EXOC4: variants seen among roughly 807,000 people sequenced by gnomAD.
The protein encoded by EXOC4 is exocyst complex component 4, also known as SEC8-like 1.
In EXOC4, 71 loss-of-function variants were observed where a neutral mutation model predicts 107.2. The observed-to-expected ratio is 0.66, with a 90% CI of 0.55 to 0.81. The LOEUF is 0.81. Ranked by LOEUF, EXOC4 falls within the 30% of genes least tolerant of loss-of-function variation. The pLI, the probability that EXOC4 is intolerant of heterozygous loss-of-function variation, is 0.00. For missense variants in EXOC4, 1,108 were observed against 1,189.6 expected, an observed-to-expected ratio of 0.93 and a Z score of 1.01; for synonymous variants, 456 against 441.2, an observed-to-expected ratio of 1.03 and a Z score of -0.42.
rs903130182 is a variant in EXOC4, at chr7:133,815,623, G to A, written c.1515-1702G>A. ...ACTATCATACTTCTGAGTTTGGCTC[G>A]GTTGCCAGCATTTTATCCTTTATTT... On this transcript the variant is annotated intron_variant, in intron 10 of 17. Coordinates refer to ENST00000253861, the MANE Select transcript of EXOC4 (RefSeq NM_021807.4). Among the ~76,000 whole-genome samples the A allele has an allele frequency of 2.0e-5, 3 of 152,060 alleles. 1 individual carries two copies. Among genetic ancestry groups the A allele is most frequent in the South Asian group, 4.2e-4 (2 of 4,812 alleles).
intron 11 of EXOC4, among the ~76,000 whole-genome samples, chr7:133,833,982 G>A (rs1363513216): frequency 6.6e-6 from 1 of 152,084 alleles, no homozygotes; most frequent in Non-Finnish European, 1.5e-5. Context: ...TTACCGCCTA[G>A]CAGATGGAAC....
intron 10 of EXOC4, among the ~76,000 whole-genome samples, chr7:133,684,462 A>G (rs543689778): frequency 2.7e-4 from 41 of 152,294 alleles, no homozygotes; most frequent in Admixed American, 7.2e-4. Flanking sequence ...TTGATAAGGT[A>G]GAAGGCTTTT....
Position 133,947,151 on chromosome 7 carries a change from G to A in EXOC4, c.2206+9082G>A, listed in dbSNP as rs571219047. ...AATAATGATGCATACTCATTGGGTT[G>A]CTCTAACTATTAAATGATCTGATGA... is the stretch of plus-strand genomic sequence containing the variant. On this transcript the variant is annotated intron_variant, in intron 14 of 17. Coordinates refer to ENST00000253861, the MANE Select transcript of EXOC4 (RefSeq NM_021807.4). 1.6e-4 allele frequency among the ~76,000 whole-genome samples: 24 copies of A among 152,290 alleles called. No individual in the cohort carries two copies. The South Asian group carries it at 4.4e-3, about 28-fold the overall frequency.
chr7:133,457,165 T>C (rs1798481928), intron 7 of EXOC4, among the ~76,000 whole-genome samples: 1 of 152,188 alleles, frequency 6.6e-6, no homozygotes, highest in South Asian at 2.1e-4. Flanking sequence ...CTTTTCAGAA[T>C]AGTAGGACTC....
At chr7:133,886,110 G>A (rs945565437) in intron 11 of EXOC4, among the ~76,000 whole-genome samples, 1 of 152,134 alleles carries the variant, frequency 6.6e-6, no homozygotes, top group Admixed American at 6.5e-5. Flanking sequence ...ATGAAACACT[G>A]TCCAGTAGAT....
chr7:133,823,472 T>G (rs1453145263), intron 11 of EXOC4, among the ~76,000 whole-genome samples: 2 of 152,046 alleles, frequency 1.3e-5, no homozygotes, highest in African/African-American at 4.8e-5. Context: ...GTCCTTGATC[T>G]TTCTACTCCA....
At chr7:134,062,183 A>T (rs188358557) in intron 17 of EXOC4, among the ~76,000 whole-genome samples, 2 of 152,152 alleles carry the variant, frequency 1.3e-5, no homozygotes, top group Non-Finnish European at 2.9e-5. Flanking sequence ...TAACTTACCA[A>T]TCTACAAAGA....
intron 10 of EXOC4, among the ~76,000 whole-genome samples, chr7:133,757,977 G>A (rs1182925366): frequency 6.6e-6 from 1 of 152,164 alleles, no homozygotes; most frequent in Non-Finnish European, 1.5e-5. Context: ...ATCCAGAGGG[G>A]TTGAAGAAGG....
At chr7:133,482,379 G>A (rs1031054763) in intron 9 of EXOC4, among the ~76,000 whole-genome samples, 2 of 152,044 alleles carry the variant, frequency 1.3e-5, no homozygotes, top group Non-Finnish European at 2.9e-5. Context: ...CATAGGGACC[G>A]AGGACCTCTC....
intron 14 of EXOC4, among the ~76,000 whole-genome samples, chr7:133,987,871 GC>G (rs1028173554): frequency 3.3e-4 from 50 of 152,274 alleles, no homozygotes; most frequent in African/African-American, 1.2e-3. Flanking sequence ...ACAGTGAGTT[GC>G]CATTGAAAGT....
At chr7:133,687,029 G>GTGTC (rs1794318855) in intron 10 of EXOC4, among the ~76,000 whole-genome samples, 1 of 140,346 alleles carries the variant, frequency 7.1e-6, no homozygotes, top group African/African-American at 2.7e-5. Flanking sequence ...GTGTGTGTGT[G>GTGTC]TGTGTGTGTC....
At chr7:133,468,465 C>T (rs546547520) in intron 7 of EXOC4, among the ~76,000 whole-genome samples, 1 of 151,986 alleles carries the variant, frequency 6.6e-6, no homozygotes, top group East Asian at 1.9e-4. Context: ...GAGGAAAACT[C>T]GATAAGTTTT....
At position 133,288,828 on chromosome 7, in the gene EXOC4, C is replaced by T. The variant is rs1794338747; in HGVS notation, c.277-94C>T. 6 of 977,876 alleles carry T rather than the reference C, an allele frequency of 6.1e-6. No individual in the cohort carries two copies. The South Asian group carries it at 9.7e-5, about 16-fold the overall frequency. The allele number at this position is 977,876 out of a possible 1,614,324, so 60.6% of individuals were successfully genotyped here. A position where few individuals can be genotyped will look rare whatever the true frequency, so the allele number is the denominator to read the frequency against. On this transcript the variant is annotated intron_variant, in intron 2 of 17. Transcript: ENST00000253861. Reference sequence around the variant, plus strand: ...TGGCAGTGGGAATTAGGAACTGCTGCATACAGTAGTACCAGTGAAGACTAC... The same window carrying T: ...TGGCAGTGGGAATTAGGAACTGCTGTATACAGTAGTACCAGTGAAGACTAC...
intron 17 of EXOC4, among the ~76,000 whole-genome samples, chr7:134,049,642 C>T (rs1253548155): frequency 6.6e-6 from 1 of 152,198 alleles, no homozygotes; most frequent in Admixed American, 6.5e-5. Flanking sequence ...CTCCTCCAGA[C>T]CTTTATTATG....
At chr7:133,949,718 G>A (rs938780468) in intron 14 of EXOC4, among the ~76,000 whole-genome samples, 14 of 152,108 alleles carry the variant, frequency 9.2e-5, no homozygotes, top group African/African-American at 2.9e-4. Context: ...TTATCATGCC[G>A]GACAGTCTCT....
chr7:133,679,175 A>G (rs1331328249), intron 10 of EXOC4, among the ~76,000 whole-genome samples: 1 of 152,178 alleles, frequency 6.6e-6, no homozygotes, highest in Admixed American at 6.5e-5. Flanking sequence ...TCTAAGTCTG[A>G]TGCTTCTTTC....
intron 10 of EXOC4, among the ~76,000 whole-genome samples, chr7:133,701,582 A>G (rs1794656816): frequency 6.6e-6 from 1 of 152,196 alleles, no homozygotes; most frequent in African/African-American, 2.4e-5. Context: ...GTACATACCT[A>G]TGATAAGATT....
intron 9 of EXOC4, among the ~76,000 whole-genome samples, chr7:133,549,283 C>T (rs554746669): frequency 2.6e-5 from 4 of 152,216 alleles, no homozygotes; most frequent in Admixed American, 1.3e-4. Flanking sequence ...TGAGCAACCA[C>T]GCCCGTCCTC....
Position 133,398,644 on chromosome 7 carries a change from T to A in EXOC4, c.1182+23642T>A, listed in dbSNP as rs115088641. On this transcript the variant is annotated intron_variant, in intron 7 of 17. Transcript: ENST00000253861. The stretch of plus-strand genomic sequence containing the variant: ...AATCCTTTCTTTTTTTAAGCCAGGT[T>A]TAGAGAGGGAGCTAAAAGCAGAACA... Among the ~76,000 whole-genome samples, 749 of 152,290 alleles carry A rather than the reference T, an allele frequency of 4.9e-3. 5 individuals are homozygous for A. The highest frequency in any genetic ancestry group is 0.017 in the African/African-American group (726 of 41,546).
Sources: gnomAD v4.1 joint callset for allele counts (sites outside exome capture counted in the v4.1 genomes callset) on GRCh38, gnomAD v4.1.1 for gene constraint, MANE v1.5 for transcripts, NCBI Gene and HGNC (gene_info 2026-07-23, HGNC 2026-07-21) for gene names.